Variants in LCMT1 observed in about 807,000 individuals in gnomAD.
The protein encoded by LCMT1 is leucine carboxyl methyltransferase 1.
A neutral mutation model predicts 47.7 loss-of-function variants in LCMT1; 32 were observed. That is an observed-to-expected ratio of 0.67 (90% CI 0.51 to 0.90). The LOEUF is 0.90. LCMT1 is among the 40% of genes least tolerant of loss of function. The pLI, the probability that LCMT1 is intolerant of heterozygous loss-of-function variation, is 0.00. For missense variants in LCMT1, 375 were observed against 415.2 expected, an observed-to-expected ratio of 0.90 and a Z score of 0.84; for synonymous variants, 152 against 149.7, an observed-to-expected ratio of 1.02 and a Z score of -0.11.
chr16:25,155,660 TTTTC>T (rs1344285196), intron 5 of LCMT1, among the ~76,000 whole-genome samples: 12 of 149,986 alleles, frequency 8.0e-5, no homozygotes, highest in South Asian at 2.1e-4. Flanking sequence ...TTTTACTTTC[TTTTC>T]TTTCTTTCTT....
intron 10 of LCMT1, among the ~76,000 whole-genome samples, chr16:25,177,238 A>G (rs1961975959): frequency 6.6e-6 from 1 of 152,132 alleles, no homozygotes. Flanking sequence ...TCTTAATTAT[A>G]TTAAAAAATA....
chr16:25,151,696 G>GGTGTGTGC, intron 5 of LCMT1, 81 bp downstream of exon 5: 1 of 600,594 alleles, frequency 1.7e-6, no homozygotes. Context: ...GTTTGTGTTG[G>GGTGTGTGC]GTGTGTGTGT....
intron 1 of LCMT1, among the ~76,000 whole-genome samples, chr16:25,115,237 CTCTG>C (rs1959749882): frequency 6.6e-6 from 1 of 152,202 alleles, no homozygotes; most frequent in Non-Finnish European, 1.5e-5. Context: ...CAGTGGTTCT[CTCTG>C]TCTTTTAGAT....
intron 1 of LCMT1, among the ~76,000 whole-genome samples, chr16:25,126,839 C>T (rs561500798): frequency 1.3e-5 from 2 of 152,258 alleles, no homozygotes; most frequent in East Asian, 1.9e-4. Context: ...GGTTCTTGCA[C>T]GGGATGTTAG....
At chr16:25,175,578 G>A (rs1961906937) in intron 10 of LCMT1, among the ~76,000 whole-genome samples, 1 of 152,068 alleles carries the variant, frequency 6.6e-6, no homozygotes, top group Non-Finnish European at 1.5e-5. Flanking sequence ...GTTGCAGTGA[G>A]CCGAGACTGC....
chr16:25,138,520 CGT>C (rs562711822), intron 3 of LCMT1, among the ~76,000 whole-genome samples: 13 of 151,258 alleles, frequency 8.6e-5, no homozygotes, highest in African/African-American at 2.4e-4. Flanking sequence ...TGCGCATGTG[CGT>C]GTGTGTGTGT....
Position 25,130,830 on chromosome 16 carries a change from C to G in LCMT1, c.206-1572C>G, listed in dbSNP as rs189450787. Among the ~76,000 whole-genome samples, 7 of 152,306 alleles carry G rather than the reference C, an allele frequency of 4.6e-5. No individual in the cohort carries two copies. The East Asian group carries it at 1.3e-3, about 29-fold the overall frequency. ...CCAGAGCGTAAAGAGAAGTCTGTATCTGGATGTGCATGTGCCATGTGCAAC... is the reference window on the plus strand; with the variant it reads ...CCAGAGCGTAAAGAGAAGTCTGTATGTGGATGTGCATGTGCCATGTGCAAC... On this transcript the variant is annotated intron_variant, in intron 2 of 10. Transcript: ENST00000399069.
intron 7 of LCMT1, 22 bp downstream of exon 7, chr16:25,164,740 C>T (rs373386079): frequency 1.2e-5 from 20 of 1,613,740 alleles, no homozygotes; most frequent in African/African-American, 2.7e-5. Flanking sequence ...CACAGGAGAA[C>T]TGGATTCCAT....
intron 10 of LCMT1, among the ~76,000 whole-genome samples, chr16:25,175,575 T>A (rs1418684514): frequency 6.6e-6 from 1 of 151,924 alleles, no homozygotes; most frequent in Non-Finnish European, 1.5e-5. Flanking sequence ...GAGGTTGCAG[T>A]GAGCCGAGAC....
At chr16:25,129,848 G>T (rs1237766488) in intron 2 of LCMT1, among the ~76,000 whole-genome samples, 1 of 152,202 alleles carries the variant, frequency 6.6e-6, no homozygotes, top group East Asian at 1.9e-4. Context: ...CTTCCCTAAG[G>T]ATGGAAATTG....
At chr16:25,118,565 C>T (rs759312523) in intron 1 of LCMT1, among the ~76,000 whole-genome samples, 15 of 152,108 alleles carry the variant, frequency 9.9e-5, no homozygotes, top group South Asian at 8.3e-4. Context: ...CAAATCAGCA[C>T]AATATGTGTC....
At chr16:25,123,411 G>T (rs569836451) in intron 1 of LCMT1, among the ~76,000 whole-genome samples, 6 of 151,704 alleles carry the variant, frequency 4.0e-5, no homozygotes, top group Admixed American at 1.3e-4. Context: ...TTTTAGTAGA[G>T]ATGGAGTTTC....
At chr16:25,138,562 A>T (rs915269358) in intron 3 of LCMT1, among the ~76,000 whole-genome samples, 1 of 152,050 alleles carries the variant, frequency 6.6e-6, no homozygotes, top group Non-Finnish European at 1.5e-5. Flanking sequence ...TGTGTCTTTC[A>T]TATTTGTTTG....
chr16:25,150,214 T>C (rs1339881707), intron 4 of LCMT1, among the ~76,000 whole-genome samples: 1 of 103,554 alleles, frequency 9.7e-6, no homozygotes, highest in Non-Finnish European at 2.3e-5. Flanking sequence ...TTTTTGCAGA[T>C]AAGGAAACTG....
chr16:25,137,946 C>T (rs931698866), intron 3 of LCMT1, among the ~76,000 whole-genome samples: 2 of 152,094 alleles, frequency 1.3e-5, no homozygotes, highest in Non-Finnish European at 2.9e-5. Context: ...CACTCACCCC[C>T]CCGGGATTCA....
intron 1 of LCMT1, among the ~76,000 whole-genome samples, chr16:25,113,221 C>G (rs973166017): frequency 1.3e-5 from 2 of 149,540 alleles, no homozygotes; most frequent in Non-Finnish European, 3.0e-5. Context: ...GGAGTGTGAA[C>G]TGTTAGAGGA....
rs191631015 is a variant in LCMT1 at position 25,115,880 on chromosome 16, G to T, written c.113+3884G>T. On this transcript the variant is annotated intron_variant, in intron 1 of 10. Coordinates refer to ENST00000399069, the MANE Select transcript of LCMT1 (RefSeq NM_016309.3). Reference sequence around the variant, plus strand: ...TTTAGTAGAGAAGGGGTTTCACCATGTTGGTCAGGCTGGTCTCGAATGCCT... The same window carrying T: ...TTTAGTAGAGAAGGGGTTTCACCATTTTGGTCAGGCTGGTCTCGAATGCCT... Among the ~76,000 whole-genome samples, 23 of 152,316 alleles carry T rather than the reference G, an allele frequency of 1.5e-4. No individual in the cohort carries two copies. The East Asian group carries it at 3.7e-3, about 24-fold the overall frequency.
chr16:25,171,742 T>C (rs1187708855), intron 9 of LCMT1, among the ~76,000 whole-genome samples: 1 of 152,202 alleles, frequency 6.6e-6, no homozygotes, highest in Non-Finnish European at 1.5e-5. Flanking sequence ...CTTCTTGTTC[T>C]AAAAAGTTCC....
intron 9 of LCMT1, among the ~76,000 whole-genome samples, chr16:25,172,644 A>G (rs972557939): frequency 2.0e-5 from 3 of 152,242 alleles, no homozygotes; most frequent in African/African-American, 7.2e-5. Flanking sequence ...TTGCTTTTCC[A>G]TATAACTTAT....
Sources: allele counts gnomAD v4.1 joint callset (sites outside exome capture counted in the v4.1 genomes callset), GRCh38; gene constraint gnomAD v4.1.1; transcripts MANE v1.5; gene names NCBI Gene and HGNC (gene_info 2026-07-23, HGNC 2026-07-21).